POU2AF3: variants seen among roughly 807,000 people sequenced by gnomAD.
POU2AF3 encodes the protein cancer susceptibility candidate 13.
the POU2AF3 span, among the ~76,000 whole-genome samples, chr11:111,304,567 C>T: frequency 1 from 152,000 of 152,316 alleles, 75,844 homozygotes; most frequent in Middle Eastern, 1. Context: ...TTTTATGATT[C>T]GATTTCAGGT....
At chr11:111,300,520 T>C in the POU2AF3 span, 2 of 1,228,392 alleles carry the variant, frequency 1.6e-6, no homozygotes, top group African/African-American at 3.1e-5. Context: ...CAGTTGCCTT[T>C]CTCCAGAAAA....
chr11:111,299,915 GC>G, the POU2AF3 span: 1 of 432,264 alleles, frequency 2.3e-6, no homozygotes, highest in Non-Finnish European at 3.9e-6. Flanking sequence ...TACCTCGCCG[GC>G]CCAGGACGGG....
At chr11:111,307,471 C>G in the POU2AF3 span, among the ~76,000 whole-genome samples, 3 of 152,006 alleles carry the variant, frequency 2.0e-5, no homozygotes, top group African/African-American at 2.4e-5. Flanking sequence ...AATATGGGGC[C>G]CCAGTGACCC....
the POU2AF3 span, among the ~76,000 whole-genome samples, chr11:111,301,409 A>G: frequency 6.6e-6 from 1 of 152,204 alleles, no homozygotes; most frequent in Non-Finnish European, 1.5e-5. Flanking sequence ...GGGTGTGAAC[A>G]TAGGATCTGA....
At chr11:111,299,603 G>T in the POU2AF3 span, 1 of 1,223,302 alleles carries the variant, frequency 8.2e-7, no homozygotes, top group Non-Finnish European at 1.0e-6. Context: ...CCGAAGGGCG[G>T]CCTCCCGGCG....
the POU2AF3 span, chr11:111,308,173 T>C: frequency 6.4e-7 from 1 of 1,551,854 alleles, no homozygotes; most frequent in Non-Finnish European, 8.7e-7. Flanking sequence ...ACAATTCCCC[T>C]GCTTCTCTGG....
the POU2AF3 span, among the ~76,000 whole-genome samples, chr11:111,305,428 AC>A: frequency 6.6e-6 from 1 of 152,204 alleles, no homozygotes; most frequent in Non-Finnish European, 1.5e-5. Flanking sequence ...AGCAGTTCAA[AC>A]AAGTGTAGGT....
the POU2AF3 span, chr11:111,300,662 G>A: frequency 8.9e-7 from 1 of 1,120,172 alleles, no homozygotes; most frequent in Non-Finnish European, 1.1e-6. Flanking sequence ...CCCATGCCAG[G>A]CCTCTTTCAA....
chr11:111,299,849 G>T, the POU2AF3 span: 2 of 672,606 alleles, frequency 3.0e-6, no homozygotes, highest in Non-Finnish European at 4.2e-6. Context: ...AAGACAGAAG[G>T]GAGCGAGGGA....
At chr11:111,298,887 C>T in the POU2AF3 span, 1 of 1,139,282 alleles carries the variant, frequency 8.8e-7, no homozygotes, top group Non-Finnish European at 1.1e-6. Context: ...GCGGACCCTG[C>T]GCGCCCAGAA....
At chr11:111,300,077 T>A in the POU2AF3 span, 1,331 of 391,698 alleles carry the variant, frequency 3.4e-3, 12 homozygotes, top group African/African-American at 0.026. Flanking sequence ...TGGGGTGGGC[T>A]ACGTCAGCCG....
chr11:111,299,167 A>C, the POU2AF3 span: 1 of 949,716 alleles, frequency 1.1e-6, no homozygotes, highest in African/African-American at 1.8e-5. Flanking sequence ...GGGAGACCCT[A>C]ACTCCTGGAA....
the POU2AF3 span, chr11:111,305,071 T>C: frequency 2.7e-6 from 2 of 731,342 alleles, no homozygotes; most frequent in African/African-American, 1.8e-5. Context: ...GGGGTTAAGA[T>C]AGGCACCACC....
chr11:111,299,418 G>C, the POU2AF3 span: 1 of 1,018,476 alleles, frequency 9.8e-7, no homozygotes, highest in African/African-American at 1.7e-5. Context: ...GCTCGGCTTG[G>C]CCTAACAGCC....
the POU2AF3 span, among the ~76,000 whole-genome samples, chr11:111,307,046 CTTCAT>C: frequency 6.6e-6 from 1 of 152,104 alleles, no homozygotes; most frequent in Admixed American, 6.5e-5. Context: ...TGGTAACAAA[CTTCAT>C]TTCATTAGGG....
the POU2AF3 span, chr11:111,299,094 C>T: frequency 3.1e-6 from 3 of 977,032 alleles, no homozygotes; most frequent in Non-Finnish European, 3.6e-6. Context: ...GGCGCCTGGG[C>T]CCTGCGGGCG....
chr11:111,298,577 C>G, the POU2AF3 span: 7 of 1,246,630 alleles, frequency 5.6e-6, no homozygotes, highest in Non-Finnish European at 6.1e-6. Flanking sequence ...CTCCTGCTGA[C>G]CACGATGTCG....
chr11:111,299,853 C>A, the POU2AF3 span: 2 of 655,892 alleles, frequency 3.0e-6, no homozygotes, highest in East Asian at 3.4e-5. Flanking sequence ...CAGAAGGGAG[C>A]GAGGGAGGGA....
chr11:111,298,827 C>CGGGGGGCCG, the POU2AF3 span: 3 of 631,568 alleles, frequency 4.8e-6, no homozygotes, highest in Non-Finnish European at 6.7e-6. Context: ...GTACCCCAGG[C>CGGGGGGCCG]CCCCGCCCGC....
Sources: gnomAD v4.1 joint callset for allele counts (sites outside exome capture counted in the v4.1 genomes callset) on GRCh38, gnomAD v4.1.1 for gene constraint, MANE v1.5 for transcripts, NCBI Gene and HGNC (gene_info 2026-07-23, HGNC 2026-07-21) for gene names.